STX8: variants seen among roughly 807,000 people sequenced by gnomAD.
The protein encoded by STX8 is syntaxin 8, also known as syntaxin-8.
In STX8, 23 loss-of-function variants were observed where a neutral mutation model predicts 37.5. The ratio of observed to expected loss-of-function variants is 0.61; its 90% confidence interval spans 0.44 to 0.87. The LOEUF (loss-of-function observed/expected upper bound fraction) is 0.87, where lower values mean the gene tolerates loss of function less well. STX8 is among the 40% of genes least tolerant of loss of function. The probability of loss-of-function intolerance (pLI) is 0.00; values close to 1 mark genes in which losing one functional copy is unlikely to be tolerated. For synonymous variants in STX8, 115 were observed against 99.1 expected (o/e 1.16, Z -0.95); for missense variants, 313 against 284.7 (o/e 1.10, Z -0.71).
At chr17:9,500,435 G>A (rs768892776) in intron 5 of STX8, among the ~76,000 whole-genome samples, 13 of 152,136 alleles carry the variant, frequency 8.5e-5, no homozygotes, top group Non-Finnish European at 1.5e-4. Context: ...GTGGGGATGG[G>A]AGAACACAGG....
chr17:9,568,075 G>A (rs760407450), intron 2 of STX8, among the ~76,000 whole-genome samples: 1 of 152,046 alleles, frequency 6.6e-6, no homozygotes, highest in African/African-American at 2.4e-5. Context: ...ATTATCTCTT[G>A]GCCTGCAAAG....
intron 6 of STX8, among the ~76,000 whole-genome samples, chr17:9,485,436 T>C (rs374169835): frequency 5.9e-5 from 9 of 152,068 alleles, no homozygotes; most frequent in East Asian, 3.9e-4. Flanking sequence ...ATAAATAAAA[T>C]GGAAATAACC....
chr17:9,414,933 G>A, intron 6 of STX8, among the ~76,000 whole-genome samples: 1 of 152,034 alleles, frequency 6.6e-6, no homozygotes, highest in East Asian at 1.9e-4. Flanking sequence ...TGGGATTACA[G>A]GCACCCGCCA....
Position 9,534,551 on chromosome 17 carries a change from G to A in STX8, c.323+10621C>T, listed in dbSNP as rs1263914916. ...CACACCTATAATCCCAGCACTTTGG[G>A]AGGCCGAGCTAGGCGGATCATGAGG... is the stretch of plus-strand genomic sequence containing the variant. On this transcript the variant is annotated intron_variant, in intron 4 of 7. Transcript: ENST00000306357. 2.0e-5 allele frequency among the ~76,000 whole-genome samples: 3 copies of A among 152,204 alleles called. No homozygotes were observed. The South Asian group carries it at 6.2e-4, about 31-fold the overall frequency.
chr17:9,319,835 G>A (rs112185903), intron 7 of STX8, among the ~76,000 whole-genome samples: 583 of 151,000 alleles, frequency 3.9e-3, no homozygotes, highest in Middle Eastern at 6.8e-3. Context: ...CTTGTAATCC[G>A]AGCTACTCGG....
chr17:9,288,933 C>T (rs1050130252), intron 7 of STX8, among the ~76,000 whole-genome samples: 3 of 152,054 alleles, frequency 2.0e-5, no homozygotes, highest in Non-Finnish European at 4.4e-5. Context: ...CAAACTGAAG[C>T]GTTCACAAAA....
At chr17:9,349,316 CTTTTTTTT>C (rs61627405) in intron 7 of STX8, among the ~76,000 whole-genome samples, 15 of 109,798 alleles carry the variant, frequency 1.4e-4, no homozygotes, top group South Asian at 2.9e-4. Context: ...ATTTTCTTTT[CTTTTTTTT>C]TTTTTTTTTT....
chr17:9,309,374 G>A, intron 7 of STX8, among the ~76,000 whole-genome samples: 1 of 152,226 alleles, frequency 6.6e-6, no homozygotes, highest in African/African-American at 2.4e-5. Context: ...TTAACTCAGG[G>A]CTTCTTCTTG....
intron 6 of STX8, among the ~76,000 whole-genome samples, chr17:9,418,187 G>GA (rs961344464): frequency 6.6e-6 from 1 of 152,144 alleles, no homozygotes; most frequent in African/African-American, 2.4e-5. Flanking sequence ...AGCCAGAATT[G>GA]AACCAGACTG....
At chr17:9,291,318 T>G (rs1351569092) in intron 7 of STX8, among the ~76,000 whole-genome samples, 1 of 151,602 alleles carries the variant, frequency 6.6e-6, no homozygotes, top group African/African-American at 2.4e-5. Context: ...TGGTGGTGGG[T>G]ACCTGTAGTC....
intron 7 of STX8, among the ~76,000 whole-genome samples, chr17:9,279,044 CTGTG>C (rs1291843659): frequency 2.0e-5 from 3 of 148,788 alleles, no homozygotes; most frequent in Non-Finnish European, 4.4e-5. Flanking sequence ...CATTATTATT[CTGTG>C]TGTGTGTTTT....
At chr17:9,526,800 T>C (rs1905588755) in intron 4 of STX8, among the ~76,000 whole-genome samples, 1 of 147,570 alleles carries the variant, frequency 6.8e-6, no homozygotes, top group South Asian at 2.2e-4. Flanking sequence ...GAGGTGGAGG[T>C]TGCGGTGAGC....
chr17:9,281,606 T>A (rs1294209071), intron 7 of STX8, among the ~76,000 whole-genome samples: 1 of 152,180 alleles, frequency 6.6e-6, no homozygotes, highest in Admixed American at 6.5e-5. Flanking sequence ...GTATCCTAAC[T>A]GTGAAGCAGA....
chr17:9,434,090 G>A (rs1205570513), intron 6 of STX8, among the ~76,000 whole-genome samples: 1 of 151,954 alleles, frequency 6.6e-6, no homozygotes, highest in East Asian at 1.9e-4. Context: ...TGCAACCTCC[G>A]CCTCCCAGGT....
intron 7 of STX8, among the ~76,000 whole-genome samples, chr17:9,331,645 T>G (rs1329385151): frequency 6.6e-6 from 1 of 152,198 alleles, no homozygotes; most frequent in Non-Finnish European, 1.5e-5. Context: ...AAATGTGCTT[T>G]CCGCTCTCAA....
intron 4 of STX8, among the ~76,000 whole-genome samples, chr17:9,544,088 G>C (rs764883663): frequency 6.6e-5 from 10 of 152,116 alleles, no homozygotes; most frequent in Non-Finnish European, 1.2e-4. Flanking sequence ...GACAATGCAC[G>C]GCTAGGGTCC....
At chr17:9,340,460 T>C (rs910090159) in intron 7 of STX8, among the ~76,000 whole-genome samples, 9 of 152,230 alleles carry the variant, frequency 5.9e-5, no homozygotes, top group Non-Finnish European at 1.3e-4. Context: ...CTTAAATTTA[T>C]CTGCAAAAGG....
chr17:9,437,385 T>G (rs539183383), intron 6 of STX8, among the ~76,000 whole-genome samples: 1 of 152,186 alleles, frequency 6.6e-6, no homozygotes, highest in South Asian at 2.1e-4. Context: ...CCTACAAATA[T>G]ACATCCATTC....
intron 7 of STX8, among the ~76,000 whole-genome samples, chr17:9,302,771 A>G (rs1301718615): frequency 6.6e-6 from 1 of 152,166 alleles, no homozygotes; most frequent in East Asian, 1.9e-4. Context: ...CCACAGGAAT[A>G]GAAGTCAGAT....
Sources: allele counts gnomAD v4.1 joint callset (sites outside exome capture counted in the v4.1 genomes callset), GRCh38; gene constraint gnomAD v4.1.1; transcripts MANE v1.5; gene names NCBI Gene and HGNC (gene_info 2026-07-23, HGNC 2026-07-21).